The following ADAMTS16 variants were observed in gnomAD, a reference collection of about 807,000 sequenced individuals.
The protein encoded by ADAMTS16 is ADAM metallopeptidase with thrombospondin type 1 motif 16.
ADAMTS16 carries 94 observed loss-of-function variants against 145.8 expected under a neutral mutation model. The observed-to-expected ratio is 0.64, with a 90% CI of 0.55 to 0.77. The LOEUF (loss-of-function observed/expected upper bound fraction) is 0.77, where lower values mean the gene tolerates loss of function less well. Among genes scored for constraint, ADAMTS16 ranks in the 30% least tolerant of loss-of-function variants. ADAMTS16 has a pLI of 0.00. For missense variants in ADAMTS16, 1,585 were observed against 1,591.5 expected (o/e 1.00, Z 0.07); for synonymous variants, 659 against 604.3 (o/e 1.09, Z -1.33).
chr5:5,280,588 T>C (rs960439669), intron 18 of ADAMTS16, among the ~76,000 whole-genome samples: 5 of 152,154 alleles, frequency 3.3e-5, no homozygotes, highest in African/African-American at 1.2e-4. Context: ...AGTCAGTCTC[T>C]GCAATGGGAA....
intron 12 of ADAMTS16, among the ~76,000 whole-genome samples, chr5:5,233,406 G>A (rs935507665): frequency 5.3e-5 from 8 of 152,264 alleles, no homozygotes; most frequent in Admixed American, 2.0e-4. Flanking sequence ...CTTGTGTCAC[G>A]GGTGTGTGTT....
chr5:5,253,478 G>T (rs1737689248), intron 17 of ADAMTS16, among the ~76,000 whole-genome samples: 1 of 152,188 alleles, frequency 6.6e-6, no homozygotes, highest in Admixed American at 6.5e-5. Context: ...AATCAGATAT[G>T]CGTTTGTCTC....
At chr5:5,151,916 A>C (rs1734474453) in intron 3 of ADAMTS16, among the ~76,000 whole-genome samples, 1 of 151,960 alleles carries the variant, frequency 6.6e-6, no homozygotes, top group Non-Finnish European at 1.5e-5. Context: ...ACTGGGAAGG[A>C]GTGTTCTAAT....
chr5:5,293,593 C>G (rs1022905753), intron 18 of ADAMTS16, among the ~76,000 whole-genome samples: 15 of 152,154 alleles, frequency 9.9e-5, no homozygotes, highest in Non-Finnish European at 2.9e-5. Flanking sequence ...GGGGGCTTCT[C>G]TGTCCTGAGA....
chr5:5,167,800 G>A (rs1262864785), intron 3 of ADAMTS16, among the ~76,000 whole-genome samples: 3 of 152,204 alleles, frequency 2.0e-5, no homozygotes, highest in African/African-American at 7.2e-5. Context: ...CAGGGTAGTA[G>A]CCACCCGCCA....
At chr5:5,220,156 CTTTT>C (rs11323873) in intron 10 of ADAMTS16, among the ~76,000 whole-genome samples, 2 of 118,228 alleles carry the variant, frequency 1.7e-5, no homozygotes. Flanking sequence ...AATAATTTAA[CTTTT>C]TTTTTTTTTT....
chr5:5,157,137 T>A (rs1211672989), intron 3 of ADAMTS16, among the ~76,000 whole-genome samples: 1 of 152,124 alleles, frequency 6.6e-6, no homozygotes, highest in Non-Finnish European at 1.5e-5. Flanking sequence ...ACAGCATGTG[T>A]TTAAAATCAA....
rs563003788 is a variant in ADAMTS16 at position 5,263,429 on chromosome 5, T to C, written c.2789+646T>C. ...CTCTGGTCTTCATTTTCTTCATCTTTACATGGGACATGTCACAGAAGGTTG... is the reference window on the plus strand; with the variant it reads ...CTCTGGTCTTCATTTTCTTCATCTTCACATGGGACATGTCACAGAAGGTTG... On this transcript the variant is annotated intron_variant, in intron 18 of 22. Transcript: ENST00000274181. Among the ~76,000 whole-genome samples the C allele has an allele frequency of 3.3e-5, 5 of 152,370 alleles. No individual in the cohort carries two copies. The East Asian group carries it at 9.6e-4, about 29-fold the overall frequency.
chr5:5,232,341 T>C (rs2126369461), intron 11 of ADAMTS16, 27 bp from the exon 12 acceptor site: 1 of 1,613,796 alleles, frequency 6.2e-7, no homozygotes, highest in African/African-American at 1.3e-5. Context: ...GTGAGTCAAG[T>C]CAACTTATTT....
chr5:5,276,321 T>C (rs1738694071), intron 18 of ADAMTS16, among the ~76,000 whole-genome samples: 1 of 152,248 alleles, frequency 6.6e-6, no homozygotes, highest in African/African-American at 2.4e-5. Context: ...ATCTGTAGAA[T>C]TGTCTTTATT....
In ADAMTS16 at chr5:5,161,181, C is replaced by T. The variant is rs983359477; in HGVS notation, c.501+14726C>T. On this transcript the variant is annotated intron_variant, in intron 3 of 22. Transcript: ENST00000274181. The stretch of plus-strand genomic sequence containing the variant: ...CTATGAAGGCCAAGCATATTAAGTA[C>T]GTTTTGACATTGTATCACATTCCAT... Among the ~76,000 whole-genome samples, 18 of 152,300 alleles carry T rather than the reference C, an allele frequency of 1.2e-4. No individual in the cohort carries two copies. The Middle Eastern group carries it at 0.01, about 87-fold the overall frequency.
At chr5:5,233,745 A>T (rs1737009277) in intron 12 of ADAMTS16, among the ~76,000 whole-genome samples, 1 of 152,074 alleles carries the variant, frequency 6.6e-6, no homozygotes, top group Admixed American at 6.5e-5. Context: ...TCTAACATTG[A>T]TGGGCGTTTA....
chr5:5,169,840 G>A (rs1208193710), intron 3 of ADAMTS16, among the ~76,000 whole-genome samples: 2 of 152,142 alleles, frequency 1.3e-5, no homozygotes, highest in Non-Finnish European at 2.9e-5. Context: ...CAGCAGAAGT[G>A]GATGTGTCTA....
chr5:5,209,371 G>A, intron 10 of ADAMTS16, 125 bp downstream of exon 10: 1 of 1,159,078 alleles, frequency 8.6e-7, no homozygotes, highest in Non-Finnish European at 1.2e-6. Context: ...TGTATGTTAA[G>A]GCTGGTCCTG....
chr5:5,249,677 G>T (rs1737562270), intron 17 of ADAMTS16, among the ~76,000 whole-genome samples: 1 of 152,148 alleles, frequency 6.6e-6, no homozygotes, highest in Non-Finnish European at 1.5e-5. Context: ...AGCCCCAGAG[G>T]GCCTGTGTTA....
At chr5:5,176,391 T>C (rs889749852) in intron 3 of ADAMTS16, among the ~76,000 whole-genome samples, 5 of 152,206 alleles carry the variant, frequency 3.3e-5, no homozygotes, top group Admixed American at 1.3e-4. Context: ...GTCACAAATA[T>C]TATCATCTAA....
chr5:5,249,447 T>G (rs1737554372), intron 17 of ADAMTS16, among the ~76,000 whole-genome samples: 1 of 151,986 alleles, frequency 6.6e-6, no homozygotes, highest in Non-Finnish European at 1.5e-5. Context: ...ATGAGACCCG[T>G]GAAGGGGGTG....
chr5:5,216,861 G>GT (rs1428136740), intron 10 of ADAMTS16, among the ~76,000 whole-genome samples: 1 of 148,384 alleles, frequency 6.7e-6, no homozygotes, highest in Non-Finnish European at 1.5e-5. Context: ...GCGGTGTTTG[G>GT]TTTTTTGTTC....
chr5:5,281,845 GTGTA>G (rs1455701180), intron 18 of ADAMTS16, among the ~76,000 whole-genome samples: 2 of 152,190 alleles, frequency 1.3e-5, no homozygotes, highest in Non-Finnish European at 2.9e-5. Context: ...TTTTTCGTGT[GTGTA>G]TGTGTGTATT....
Sources: gnomAD v4.1 joint callset for allele counts (sites outside exome capture counted in the v4.1 genomes callset) on GRCh38, gnomAD v4.1.1 for gene constraint, MANE v1.5 for transcripts, NCBI Gene and HGNC (gene_info 2026-07-23, HGNC 2026-07-21) for gene names.